The following IMPG2 variants were observed in gnomAD, a reference collection of about 807,000 sequenced individuals.
IMPG2 encodes the protein IPM 200.
A neutral mutation model predicts 129.2 loss-of-function variants in IMPG2; 91 were observed. The observed-to-expected ratio is 0.70, with a 90% CI of 0.59 to 0.84. The LOEUF (loss-of-function observed/expected upper bound fraction) is 0.84. Among genes scored for constraint, IMPG2 ranks in the 40% least tolerant of loss-of-function variants. IMPG2 has a pLI of 0.00. For synonymous variants in IMPG2, 510 were observed against 517.7 expected (o/e 0.99, Z 0.20); for missense variants, 1,430 against 1,461.7 (o/e 0.98, Z 0.35).
chr3:101,311,529 A>G (rs1473794861), intron 2 of IMPG2, among the ~76,000 whole-genome samples: 3 of 152,198 alleles, frequency 2.0e-5, no homozygotes, highest in Non-Finnish European at 4.4e-5. Flanking sequence ...AATGCAAAAC[A>G]TACTCTGAGA....
intron 17 of IMPG2, among the ~76,000 whole-genome samples, 178 bp downstream of exon 17, chr3:101,229,202 G>T (rs1260023946): frequency 6.6e-6 from 1 of 150,830 alleles, no homozygotes; most frequent in Non-Finnish European, 1.5e-5. Flanking sequence ...AATACTCTGT[G>T]CATATCATAG....
At chr3:101,266,715 C>T (rs572776552) in intron 9 of IMPG2, among the ~76,000 whole-genome samples, 2 of 152,254 alleles carry the variant, frequency 1.3e-5, no homozygotes, top group East Asian at 1.9e-4. Context: ...AGCTGTGCTC[C>T]TGTGGACCAT....
chr3:101,253,708 C>T lies in IMPG2; in HGVS notation c.1227G>A (p.Pro409=), dbSNP rs371246481. The change falls in exon 11 of 19, where the codon CCG becomes CCA. Residue 409 remains proline, a synonymous_variant. Transcript: ENST00000193391. ...NTQSSSLQAT[P]SSILDNTFQA... is the part of the protein sequence containing the mutation. ...CATAAAAACATACCAGAATAGATGA[C>T]GGCGTTGCCTGAAGACTTGAACTTT... The T allele has an allele frequency of 6.1e-5, 98 of 1,610,232 alleles. 1 individual carries two copies. The highest frequency in any genetic ancestry group is 5.1e-4 in the South Asian group (46 of 90,706).
intron 4 of IMPG2, among the ~76,000 whole-genome samples, chr3:101,285,174 G>A (rs1377657893): frequency 6.6e-6 from 1 of 152,240 alleles, no homozygotes; most frequent in African/African-American, 2.4e-5. Flanking sequence ...TGTAAGGGAT[G>A]ATGGTAGGGT....
rs749940265 is a variant in IMPG2, at chr3:101,231,154, AAC to A, written c.3234-11_3234-10del. On this transcript the variant is annotated splice_polypyrimidine_tract_variant and intron_variant, in intron 15 of 18. Coordinates refer to ENST00000193391, the MANE Select transcript of IMPG2 (RefSeq NM_016247.4). Reference sequence around the variant, plus strand: ...TCTCACCCACCCGGCACCTGCAACCAACAGTCACCAAGTCCGATATCTGAATC... The same window carrying A: ...TCTCACCCACCCGGCACCTGCAACCAAGTCACCAAGTCCGATATCTGAATC... 3 of 1,613,690 alleles carry A rather than the reference AAC, an allele frequency of 1.9e-6. No individual in the cohort carries two copies. The highest frequency in any genetic ancestry group is 2.5e-6 in the Non-Finnish European group (3 of 1,179,900).
chr3:101,293,058 G>A (rs1314259695), intron 3 of IMPG2, among the ~76,000 whole-genome samples: 4 of 152,060 alleles, frequency 2.6e-5, no homozygotes, highest in Non-Finnish European at 5.9e-5. Context: ...CATGAGAGTC[G>A]GAATCAACGT....
chr3:101,318,190 T>TAATAA (rs1393002497), intron 2 of IMPG2, among the ~76,000 whole-genome samples: 1 of 138,414 alleles, frequency 7.2e-6, no homozygotes, highest in Non-Finnish European at 1.6e-5. Flanking sequence ...AATAATAATA[T>TAATAA]AAAGTAAAAA....
intron 3 of IMPG2, among the ~76,000 whole-genome samples, chr3:101,298,831 G>A (rs1315884317): frequency 6.6e-6 from 1 of 152,060 alleles, no homozygotes; most frequent in Non-Finnish European, 1.5e-5. Context: ...TGCCTCTAAC[G>A]TTTTTTTCTT....
In IMPG2 at chr3:101,319,505, A is replaced by G. The variant is rs549844887; in HGVS notation, c.334+79T>C. On this transcript the variant is annotated intron_variant, in intron 2 of 18. Transcript: ENST00000193391. ...CCTGTCTAAATTATCGTAAATTTTGATTTACAATGTTACCTAACAAATGAT... is the reference window on the plus strand; with the variant it reads ...CCTGTCTAAATTATCGTAAATTTTGGTTTACAATGTTACCTAACAAATGAT... 39 of 1,550,190 alleles carry G rather than the reference A, an allele frequency of 2.5e-5. No individual in the cohort carries two copies. The East Asian group carries it at 7.4e-4, about 29-fold the overall frequency.
chr3:101,281,235 C>T (rs1706889863), intron 4 of IMPG2, among the ~76,000 whole-genome samples: 1 of 152,154 alleles, frequency 6.6e-6, no homozygotes, highest in Admixed American at 6.5e-5. Flanking sequence ...GTGATTGGAG[C>T]TAAGTGGACA....
Position 101,244,082 on chromosome 3 carries a change from A to G in IMPG2, c.2249T>C (p.Ile750Thr). 6.2e-7 allele frequency: 1 copy of G among 1,614,016 alleles called. No homozygotes were observed. Among genetic ancestry groups the G allele is most frequent in the Non-Finnish European group, 8.5e-7 (1 of 1,180,022 alleles). ...DAILREDMEQITESSNYEWFD... is the reference protein window; with the variant it reads ...DAILREDMEQTTESSNYEWFD... ...CCATTCATAGTTGGATGACTCAGTA[A>G]TTTGTTCCATATCCTCCCTTAGGAT... is the stretch of plus-strand genomic sequence containing the variant. The change falls in exon 13 of 19, where the codon ATT (isoleucine) becomes ACT (threonine). Residue 750 changes from isoleucine (I) to threonine (T), a missense_variant. Ile to Thr is a moderately conservative substitution (Grantham distance 89). Coordinates refer to ENST00000193391, the MANE Select transcript of IMPG2 (RefSeq NM_016247.4).
In IMPG2 at chr3:101,291,529, T is replaced by C. The variant is rs763109660; in HGVS notation, c.502-19A>G. On this transcript the variant is annotated intron_variant, in intron 3 of 18. Transcript: ENST00000193391. ...TCAGTTTCTAAGGAAAACAAAGATA[T>C]AAAAATGACTGAGTTAACAACAGTT... 2 of 1,598,760 alleles carry C rather than the reference T, an allele frequency of 1.3e-6. No homozygotes were observed. The highest frequency in any genetic ancestry group is 1.1e-5 in the South Asian group (1 of 90,724).
intron 3 of IMPG2, among the ~76,000 whole-genome samples, chr3:101,297,823 G>A (rs912079776): frequency 6.6e-6 from 1 of 152,172 alleles, no homozygotes; most frequent in Admixed American, 6.5e-5. Flanking sequence ...TTCCAGTTAC[G>A]TGATCAATTT....
intron 14 of IMPG2, among the ~76,000 whole-genome samples, chr3:101,235,980 G>A (rs777604991): frequency 6.6e-6 from 1 of 152,180 alleles, no homozygotes; most frequent in Non-Finnish European, 1.5e-5. Flanking sequence ...ATTTAAGGAT[G>A]GTTATGCCTA....
chr3:101,272,122 T>TAC (rs1284991682), intron 7 of IMPG2, among the ~76,000 whole-genome samples: 1 of 133,438 alleles, frequency 7.5e-6, no homozygotes, highest in Admixed American at 7.5e-5. Flanking sequence ...CACACACACA[T>TAC]ACACACACAC....
intron 14 of IMPG2, 59 bp from the exon 15 acceptor site, chr3:101,233,050 C>T: frequency 6.7e-7 from 1 of 1,491,998 alleles, no homozygotes; most frequent in East Asian, 2.3e-5. Flanking sequence ...CTGGGGTATA[C>T]AAAGCCCTTC....
Position 101,232,846 on chromosome 3 carries a change from T to C in IMPG2, c.3168A>G (p.Leu1056=), listed in dbSNP as rs1424540279. The change falls in exon 15 of 19, where the codon CTA becomes CTG. Residue 1056 remains leucine, a synonymous_variant. Transcript: ENST00000193391. ...CATCATTCAAGCAGAAGTCAGGCTG[T>C]AGGTCACAGAGACTCTGACAGGGCC... ...EERPCQSLCD[L]QPDFCLNDGK... 3 of 1,613,718 alleles carry C rather than the reference T, an allele frequency of 1.9e-6. 1 individual carries two copies. In the South Asian group the frequency reaches 3.3e-5, roughly 18 times the overall value.
intron 3 of IMPG2, among the ~76,000 whole-genome samples, chr3:101,299,063 A>G (rs1436881747): frequency 6.6e-6 from 1 of 152,100 alleles, no homozygotes; most frequent in African/African-American, 2.4e-5. Context: ...TTTTTTTTAC[A>G]TAGTCCCATA....
At chr3:101,231,713 A>G (rs1475700649) in intron 15 of IMPG2, among the ~76,000 whole-genome samples, 1 of 152,226 alleles carries the variant, frequency 6.6e-6, no homozygotes, top group Non-Finnish European at 1.5e-5. Flanking sequence ...TCTGGCATCT[A>G]TGCCAACATT....
Sources: allele counts gnomAD v4.1 joint callset (sites outside exome capture counted in the v4.1 genomes callset), GRCh38; gene constraint gnomAD v4.1.1; transcripts MANE v1.5; gene names NCBI Gene and HGNC (gene_info 2026-07-23, HGNC 2026-07-21).